The following FAM13A variants were observed in gnomAD, a reference collection of about 807,000 sequenced individuals.
FAM13A encodes the protein protein FAM13A.
Under a neutral mutation model 129.6 loss-of-function variants are expected in FAM13A, and 76 were observed. The observed-to-expected ratio is 0.59, with a 90% confidence interval of 0.49 to 0.71. The LOEUF (loss-of-function observed/expected upper bound fraction) is 0.71, where lower values mean the gene tolerates loss of function less well. FAM13A is among the 30% of genes least tolerant of loss of function. FAM13A has a pLI of 0.00. For missense variants in FAM13A, 1,108 were observed against 1,249.3 expected, an observed-to-expected ratio of 0.89 and a Z score of 1.70; for synonymous variants, 443 against 449.9, an observed-to-expected ratio of 0.98 and a Z score of 0.20.
intron 4 of FAM13A, among the ~76,000 whole-genome samples, chr4:88,989,453 T>A (rs1015879723): frequency 1.3e-4 from 19 of 151,878 alleles, no homozygotes; most frequent in Non-Finnish European, 1.9e-4. Context: ...AATACAAAAA[T>A]TAATTGGGCA....
chr4:88,751,103 G>A lies in FAM13A; in HGVS notation c.1727-466C>T, dbSNP rs536842548. ...CTAAAAATACAAAATTTAGCTGGGCGTGGTGGCGGATGCCTGTAATCCCAG... is the reference window on the plus strand; with the variant it reads ...CTAAAAATACAAAATTTAGCTGGGCATGGTGGCGGATGCCTGTAATCCCAG... On this transcript the variant is annotated intron_variant, in intron 14 of 23. Transcript: ENST00000264344. 3.9e-5 allele frequency among the ~76,000 whole-genome samples: 6 copies of A among 152,286 alleles called. No individual in the cohort carries two copies. The East Asian group carries it at 9.7e-4, about 25-fold the overall frequency.
chr4:88,730,154 G>A (rs1737349714), intron 23 of FAM13A: 1 of 152,110 alleles, frequency 6.6e-6, no homozygotes, highest in Non-Finnish European at 1.5e-5. Context: ...TATAAAAGAG[G>A]ACTCAAGAGA....
chr4:88,876,246 C>G (rs987700876), intron 6 of FAM13A, among the ~76,000 whole-genome samples: 2 of 151,878 alleles, frequency 1.3e-5, no homozygotes, highest in African/African-American at 4.8e-5. Flanking sequence ...CATATGTAAC[C>G]AACCTGCACA....
At chr4:89,044,250 G>T (rs1488837808) in intron 1 of FAM13A, among the ~76,000 whole-genome samples, 3 of 152,080 alleles carry the variant, frequency 2.0e-5, no homozygotes, top group Admixed American at 1.3e-4. Context: ...AGCCCAGTTC[G>T]AAAATGAACA....
chr4:89,043,907 C>T (rs953023233), intron 1 of FAM13A, among the ~76,000 whole-genome samples: 2 of 151,816 alleles, frequency 1.3e-5, no homozygotes, highest in African/African-American at 4.8e-5. Context: ...CCTGTCTCTA[C>T]AAAATACAAT....
intron 3 of FAM13A, among the ~76,000 whole-genome samples, chr4:89,015,713 T>A (rs1766391976): frequency 6.6e-6 from 1 of 152,170 alleles, no homozygotes; most frequent in South Asian, 2.1e-4. Flanking sequence ...TTTATACATA[T>A]ATGTATAAAG....
At chr4:89,042,511 C>T (rs1010492517) in intron 1 of FAM13A, among the ~76,000 whole-genome samples, 1 of 152,122 alleles carries the variant, frequency 6.6e-6, no homozygotes, top group Non-Finnish European at 1.5e-5. Context: ...GTTACCCTTA[C>T]AGAAACATTT....
intron 4 of FAM13A, among the ~76,000 whole-genome samples, chr4:88,954,878 TTCG>T (rs1257263118): frequency 6.9e-6 from 1 of 144,858 alleles, no homozygotes; most frequent in Non-Finnish European, 1.5e-5. Flanking sequence ...AGAGCAAGAC[TTCG>T]TCTCAAAAAA....
At chr4:89,021,398 A>G (rs1270356732) in intron 2 of FAM13A, among the ~76,000 whole-genome samples, 1 of 152,198 alleles carries the variant, frequency 6.6e-6, no homozygotes, top group African/African-American at 2.4e-5. Flanking sequence ...TTAGTATCAT[A>G]TTCTTTTTCT....
chr4:89,044,180 A>C (rs1444313409), intron 1 of FAM13A, among the ~76,000 whole-genome samples: 1 of 152,198 alleles, frequency 6.6e-6, no homozygotes, highest in Non-Finnish European at 1.5e-5. Flanking sequence ...TTTGCAATTC[A>C]TATATCTGAA....
chr4:88,804,114 C>T (rs970995490), intron 8 of FAM13A, among the ~76,000 whole-genome samples: 6 of 151,902 alleles, frequency 3.9e-5, no homozygotes, highest in East Asian at 3.9e-4. Context: ...ATTAGCCGGG[C>T]GTGGTGGTGG....
At chr4:88,985,548 C>G (rs889363946) in intron 4 of FAM13A, among the ~76,000 whole-genome samples, 7 of 152,082 alleles carry the variant, frequency 4.6e-5, no homozygotes, top group Non-Finnish European at 1.0e-4. Context: ...AAAATTTTTG[C>G]GAAATCCTCT....
At chr4:88,792,187 A>T (rs1725320727) in intron 8 of FAM13A, among the ~76,000 whole-genome samples, 1 of 152,076 alleles carries the variant, frequency 6.6e-6, no homozygotes, top group Admixed American at 6.6e-5. Flanking sequence ...ATTATTTACA[A>T]TAACCCTATG....
chr4:88,921,346 G>T (rs548921019), intron 5 of FAM13A, among the ~76,000 whole-genome samples: 1 of 152,164 alleles, frequency 6.6e-6, no homozygotes, highest in Non-Finnish European at 1.5e-5. Flanking sequence ...GACTAACAGC[G>T]GATCTCTCGG....
chr4:88,793,286 C>T (rs956093125), intron 8 of FAM13A, among the ~76,000 whole-genome samples: 2 of 151,940 alleles, frequency 1.3e-5, no homozygotes, highest in East Asian at 1.9e-4. Context: ...TCTCCAACAG[C>T]TTAGAGAAAA....
At chr4:88,846,599 A>T (rs1736680549) in intron 7 of FAM13A, among the ~76,000 whole-genome samples, 1 of 152,266 alleles carries the variant, frequency 6.6e-6, no homozygotes, top group Non-Finnish European at 1.5e-5. Flanking sequence ...GCATTTCGTA[A>T]TCAAGTGACA....
intron 4 of FAM13A, among the ~76,000 whole-genome samples, chr4:88,975,688 A>G (rs1437384502): frequency 1.3e-5 from 2 of 152,254 alleles, no homozygotes; most frequent in Non-Finnish European, 2.9e-5. Flanking sequence ...TTCTCTGCAA[A>G]GAGTATTCAT....
chr4:88,961,077 T>C (rs1758533757), intron 4 of FAM13A, among the ~76,000 whole-genome samples: 1 of 152,126 alleles, frequency 6.6e-6, no homozygotes, highest in Non-Finnish European at 1.5e-5. Flanking sequence ...ATGGACTTTC[T>C]AATAAAAATA....
chr4:88,769,649 T>C (rs891201659), intron 11 of FAM13A, among the ~76,000 whole-genome samples: 2 of 151,788 alleles, frequency 1.3e-5, no homozygotes, highest in Non-Finnish European at 2.9e-5. Flanking sequence ...CTGACCAACA[T>C]AGTGAAACCC....
Sources: allele counts gnomAD v4.1 joint callset (sites outside exome capture counted in the v4.1 genomes callset), GRCh38; gene constraint gnomAD v4.1.1; transcripts MANE v1.5; gene names NCBI Gene and HGNC (gene_info 2026-07-23, HGNC 2026-07-21).